The following XKR4 variants were observed in gnomAD, a reference collection of about 807,000 sequenced individuals.
XKR4 encodes the protein XK-related protein 4.
Under a neutral mutation model 53.9 loss-of-function variants are expected in XKR4, and 12 were observed. The observed-to-expected ratio is 0.22, with a 90% CI of 0.14 to 0.36. XKR4 has a LOEUF of 0.36. Ranked by LOEUF, XKR4 falls within the 10% of genes least tolerant of loss-of-function variation. The pLI is 1.00. For missense variants in XKR4, 799 were observed against 859.5 expected (o/e 0.93, Z 0.88); for synonymous variants, 354 against 362.4 (o/e 0.98, Z 0.26).
chr8:55,127,556 T>G (rs2129352673), intron 1 of XKR4, among the ~76,000 whole-genome samples: 1 of 139,506 alleles, frequency 7.2e-6, no homozygotes, highest in Non-Finnish European at 1.6e-5. Context: ...CCCAGCCTGG[T>G]GCCTAACTCT....
intron 2 of XKR4, among the ~76,000 whole-genome samples, chr8:55,445,894 G>C (rs890930397): frequency 2.6e-5 from 4 of 152,218 alleles, no homozygotes; most frequent in African/African-American, 9.7e-5. Flanking sequence ...AGGCTGCCAT[G>C]CTGTCAGCAA....
chr8:55,500,181 CAAAAAAAAAA>C (rs36233927), intron 2 of XKR4, among the ~76,000 whole-genome samples: 70,733 of 117,646 alleles, frequency 0.6, 20,020 homozygotes, highest in South Asian at 0.71. Flanking sequence ...CAAATTGGGC[CAAAAAAAAAA>C]AAAAAAAAAA....
intron 1 of XKR4, among the ~76,000 whole-genome samples, chr8:55,179,885 T>C (rs1354909506): frequency 6.6e-6 from 1 of 152,224 alleles, no homozygotes; most frequent in Non-Finnish European, 1.5e-5. Flanking sequence ...TTGAATATAA[T>C]CATATTTTCT....
chr8:55,388,938 T>A (rs2129388380), intron 2 of XKR4, among the ~76,000 whole-genome samples: 1 of 152,292 alleles, frequency 6.6e-6, no homozygotes, highest in East Asian at 1.9e-4. Flanking sequence ...CCTCAGCACC[T>A]CAGAATGGGA....
chr8:55,200,047 A>T (rs1817558371), intron 1 of XKR4, among the ~76,000 whole-genome samples: 1 of 152,166 alleles, frequency 6.6e-6, no homozygotes, highest in Non-Finnish European at 1.5e-5. Flanking sequence ...ATCAGACAGT[A>T]CCATGTGGGT....
chr8:55,481,088 CA>C, intron 2 of XKR4, among the ~76,000 whole-genome samples: 1 of 152,148 alleles, frequency 6.6e-6, no homozygotes, highest in Non-Finnish European at 1.5e-5. Flanking sequence ...CCCACATTGC[CA>C]AGTCAATCCT....
At position 55,103,050 on chromosome 8, in the gene XKR4, C is replaced by A. The variant is rs1816076724; in HGVS notation, c.562C>A (p.Pro188Thr). The change falls in exon 1 of 3, where the codon CCT becomes ACT. Residue 188 changes from proline to threonine, a missense_variant. Transcript: ENST00000327381. ...TAAAASSCPQPGADCKTVVGG... is the reference protein window; with the variant it reads ...TAAAASSCPQTGADCKTVVGG... ...CGCTGCTGCCTCCAGCTGCCCGCAG[C>A]CTGGAGCCGATTGCAAGACGGTGGT... 1 of 1,612,650 alleles carries A rather than the reference C, an allele frequency of 6.2e-7. No individual in the cohort carries two copies. The highest frequency in any genetic ancestry group is 1.1e-5 in the South Asian group (1 of 91,028).
Position 55,461,448 on chromosome 8 carries a change from G to A in XKR4, c.1007-61833G>A, listed in dbSNP as rs1436317919. Among the ~76,000 whole-genome samples the A allele has an allele frequency of 4.6e-5, 7 of 152,244 alleles. No individual in the cohort carries two copies. In the East Asian group the frequency reaches 1.2e-3, roughly 25 times the overall value. On this transcript the variant is annotated intron_variant, in intron 2 of 2. Transcript: ENST00000327381. ...AGAAGGAAAACTAACAAACAGAAAGGACATCCACACCAAAAACCCAACTGT... is the reference window on the plus strand; with the variant it reads ...AGAAGGAAAACTAACAAACAGAAAGAACATCCACACCAAAAACCCAACTGT...
At position 55,353,725 on chromosome 8, in the gene XKR4, C is replaced by G. The variant is rs186890444; in HGVS notation, c.807-3953C>G. 2.0e-5 allele frequency among the ~76,000 whole-genome samples: 3 copies of G among 152,320 alleles called. No individual in the cohort carries two copies. In the East Asian group the frequency reaches 5.8e-4, roughly 29 times the overall value. ...CTGGCAGTCAGAGAATCAGGAAAGGCTATTCCAGGGCTATTCCAAGCATAA... is the reference window on the plus strand; with the variant it reads ...CTGGCAGTCAGAGAATCAGGAAAGGGTATTCCAGGGCTATTCCAAGCATAA... On this transcript the variant is annotated intron_variant, in intron 1 of 2. Coordinates refer to ENST00000327381, the MANE Select transcript of XKR4 (RefSeq NM_052898.2).
intron 1 of XKR4, among the ~76,000 whole-genome samples, chr8:55,338,495 C>T (rs1459390056): frequency 6.6e-6 from 1 of 152,204 alleles, no homozygotes; most frequent in Non-Finnish European, 1.5e-5. Context: ...TAGAGGGGGG[C>T]ATTTATCCAA....
In XKR4 at chr8:55,187,823, G is replaced by A. The variant is rs184321677; in HGVS notation, c.806+84529G>A. On this transcript the variant is annotated intron_variant, in intron 1 of 2. Coordinates refer to ENST00000327381, the MANE Select transcript of XKR4 (RefSeq NM_052898.2). Reference sequence around the variant, plus strand: ...GCTGAAAACATATGATAGATCAAAAGTTGCAAGCAGGTCTCATGAAACATG... The same window carrying A: ...GCTGAAAACATATGATAGATCAAAAATTGCAAGCAGGTCTCATGAAACATG... Among the ~76,000 whole-genome samples, 5 of 152,306 alleles carry A rather than the reference G, an allele frequency of 3.3e-5. No homozygotes were observed. The East Asian group carries it at 9.6e-4, about 29-fold the overall frequency.
In XKR4 at chr8:55,529,973, G is replaced by A. The variant is rs943222406; in HGVS notation, c.*5746G>A. On this transcript the variant is annotated 3_prime_UTR_variant, in exon 3 of 3. Transcript: ENST00000327381. ...ATGGCTCCACTATGTATTCAATTAA[G>A]TGATAAATATAAATTAACCTGATGC... The A allele has an allele frequency of 7.9e-5, 12 of 152,074 alleles. No homozygotes were observed. Among genetic ancestry groups the A allele is most frequent in the Admixed American group, 7.9e-4 (12 of 15,254 alleles). The allele number at this position is 152,074 out of a possible 1,614,324, so 9.4% of individuals were successfully genotyped here. A position where few individuals can be genotyped will look rare whatever the true frequency, so the allele number is the denominator to read the frequency against.
intron 2 of XKR4, among the ~76,000 whole-genome samples, chr8:55,433,236 C>A (rs1383818736): frequency 6.6e-6 from 1 of 152,138 alleles, no homozygotes; most frequent in Non-Finnish European, 1.5e-5. Context: ...TTCTTAAATA[C>A]TAGTTAACAA....
chr8:55,293,272 T>C (rs1005238219), intron 1 of XKR4, among the ~76,000 whole-genome samples: 1 of 152,110 alleles, frequency 6.6e-6, no homozygotes, highest in Non-Finnish European at 1.5e-5. Context: ...GAGGCAAAGG[T>C]TGCAGTGAGC....
At chr8:55,493,325 G>A (rs2658911) in intron 2 of XKR4, among the ~76,000 whole-genome samples, 61,231 of 152,020 alleles carry the variant, frequency 0.4, 13,406 homozygotes, top group African/African-American at 0.57. Context: ...AGAAAGCCTG[G>A]GTTTTGCTAG....
chr8:55,330,897 G>A (rs764141640), intron 1 of XKR4, among the ~76,000 whole-genome samples: 2 of 152,194 alleles, frequency 1.3e-5, no homozygotes, highest in Middle Eastern at 3.4e-3. Context: ...TTTTGTACAA[G>A]TTGTGAGTCC....
At chr8:55,471,600 C>A (rs1805884462) in intron 2 of XKR4, among the ~76,000 whole-genome samples, 1 of 152,100 alleles carries the variant, frequency 6.6e-6, no homozygotes, top group Non-Finnish European at 1.5e-5. Flanking sequence ...AGGCCAGATG[C>A]AAACATGGAT....
chr8:55,447,352 A>G (rs1297987994), intron 2 of XKR4, among the ~76,000 whole-genome samples: 1 of 152,236 alleles, frequency 6.6e-6, no homozygotes, highest in Non-Finnish European at 1.5e-5. Context: ...CACAGAAGGT[A>G]GATGCACCCT....
chr8:55,181,269 G>A (rs77596585), intron 1 of XKR4, among the ~76,000 whole-genome samples: 31,133 of 152,014 alleles, frequency 0.2, 3,804 homozygotes, highest in Middle Eastern at 0.36. Flanking sequence ...TTCTTTCTCT[G>A]TGTGTGTCTC....
Sources: allele counts gnomAD v4.1 joint callset (sites outside exome capture counted in the v4.1 genomes callset), GRCh38; gene constraint gnomAD v4.1.1; transcripts MANE v1.5; gene names NCBI Gene and HGNC (gene_info 2026-07-23, HGNC 2026-07-21).